The following MAP9 variants were observed in gnomAD, a reference collection of about 807,000 sequenced individuals.
The protein encoded by MAP9 is microtubule associated protein 9.
Under a neutral mutation model 75.2 loss-of-function variants are expected in MAP9, and 80 were observed. That is an observed-to-expected ratio of 1.06 (90% confidence interval 0.89 to 1.28). MAP9 has a LOEUF of 1.28. Ranked by LOEUF, MAP9 falls within the 50% of genes most tolerant of loss-of-function variation. The pLI, the probability that MAP9 is intolerant of heterozygous loss-of-function variation, is 0.00. For missense variants in MAP9, 753 were observed against 719.9 expected (o/e 1.05, Z -0.53); for synonymous variants, 235 against 237.3 (o/e 0.99, Z 0.09).
chr4:155,363,928 T>C (rs1732205092), intron 5 of MAP9, among the ~76,000 whole-genome samples: 1 of 151,714 alleles, frequency 6.6e-6, no homozygotes, highest in African/African-American at 2.4e-5. Context: ...GGATGAAAAA[T>C]AGGGTGGGAA....
chr4:155,369,291 T>A (rs1258589423), intron 4 of MAP9, among the ~76,000 whole-genome samples: 1 of 145,130 alleles, frequency 6.9e-6, no homozygotes, highest in Non-Finnish European at 1.5e-5. Flanking sequence ...ATCACACCAC[T>A]GCACTCCAGC....
chr4:155,355,715 C>A lies in MAP9; in HGVS notation c.1290+1G>T, dbSNP rs1194672864. On this transcript the variant is annotated splice_donor_variant, in intron 9 of 13. Coordinates refer to ENST00000311277, the MANE Select transcript of MAP9 (RefSeq NM_001039580.2). LOFTEE classifies it high-confidence loss of function. ...CTCTTAAAAATATTTTCCTTTTTTA[C>A]CTGATAAACAGCTGCCCTTATGTTA... The A allele has an allele frequency of 2.5e-6, 4 of 1,599,638 alleles. No individual in the cohort carries two copies. In the East Asian group the frequency reaches 6.7e-5, roughly 27 times the overall value.
rs1465793269 is a variant in MAP9, at chr4:155,346,777, C to T, written c.*1006G>A. Reference sequence around the variant, plus strand: ...TGCATTTCAGCTCCGTGAGCATACACTTGGTCTGTCTTAAACCAGATGACC... The same window carrying T: ...TGCATTTCAGCTCCGTGAGCATACATTTGGTCTGTCTTAAACCAGATGACC... On this transcript the variant is annotated 3_prime_UTR_variant, in exon 14 of 14. Coordinates refer to ENST00000311277, the MANE Select transcript of MAP9 (RefSeq NM_001039580.2). 2.0e-5 allele frequency: 3 copies of T among 152,610 alleles called. No individual in the cohort carries two copies. Among genetic ancestry groups the T allele is most frequent in the African/African-American group, 7.2e-5 (3 of 41,454 alleles). 9.5% of individuals were successfully genotyped at this position (152,610 alleles called of 1,614,324 possible).
Position 155,360,295 on chromosome 4 carries a change from G to A in MAP9, c.923C>T (p.Thr308Ile), listed in dbSNP as rs1267294468. Reference sequence around the variant, plus strand: ...CTTTTCTTCTTCAAGGTCATCAGCAGTCACTTGACTTTCCTTGGATTTCTC... The same window carrying A: ...CTTTTCTTCTTCAAGGTCATCAGCAATCACTTGACTTTCCTTGGATTTCTC... Reference protein sequence around the residue: ...AVEKSKESQVTADDLEEEKAK... With the variant: ...AVEKSKESQVIADDLEEEKAK... The change falls in exon 7 of 14, where the codon ACT becomes ATT. Residue 308 changes from threonine to isoleucine, a missense_variant. Coordinates refer to ENST00000311277, the MANE Select transcript of MAP9 (RefSeq NM_001039580.2). 6.2e-7 allele frequency: 1 copy of A among 1,613,080 alleles called. No homozygotes were observed. The highest frequency in any genetic ancestry group is 1.7e-5 in the Admixed American group (1 of 59,926).
At chr4:155,354,377 G>C (rs930137670) in intron 10 of MAP9, 1 of 152,068 alleles carries the variant, frequency 6.6e-6, no homozygotes, top group African/African-American at 2.4e-5. Flanking sequence ...AGTTCAGGTA[G>C]GGGTTGGACT....
intron 4 of MAP9, among the ~76,000 whole-genome samples, chr4:155,369,350 C>T (rs952396371): frequency 1.5e-5 from 2 of 132,048 alleles, no homozygotes; most frequent in Non-Finnish European, 3.3e-5. Flanking sequence ...AAAAACCAAA[C>T]AACAACAACA....
intron 5 of MAP9, chr4:155,368,256 A>G: frequency 2.0e-6 from 1 of 490,660 alleles, no homozygotes; most frequent in South Asian, 3.8e-5. Context: ...AAACACTATT[A>G]TATAGATTCA....
rs372029987 is a variant in MAP9, at chr4:155,352,544, GAC to G, written c.1821+50_1821+51del. 5.6e-5 allele frequency: 85 copies of G among 1,521,962 alleles called. 1 individual carries two copies. Among genetic ancestry groups the G allele is most frequent in the East Asian group, 4.8e-4 (20 of 41,810 alleles). The allele number at this position is 1,521,962 out of a possible 1,614,324, so 94.3% of individuals were successfully genotyped here. A position where few individuals can be genotyped will look rare whatever the true frequency, so the allele number is the denominator to read the frequency against. On this transcript the variant is annotated intron_variant, in intron 13 of 13. Transcript: ENST00000311277. ...TAGAATTAGAATTAGGGACAGAAAAGACACAAAAGGTACATGAAAAAGACGAA... is the reference window on the plus strand; with the variant it reads ...TAGAATTAGAATTAGGGACAGAAAAGACAAAAGGTACATGAAAAAGACGAA...
At chr4:155,367,191 A>T (rs1732368821) in intron 5 of MAP9, 1 of 152,216 alleles carries the variant, frequency 6.6e-6, no homozygotes, top group African/African-American at 2.4e-5. Context: ...AGATAAGATG[A>T]GGACACACTC....
intron 3 of MAP9, among the ~76,000 whole-genome samples, chr4:155,373,712 AAAC>A (rs1435085706): frequency 1.2e-4 from 18 of 152,226 alleles, no homozygotes; most frequent in Non-Finnish European, 2.5e-4. Flanking sequence ...GTAGGGTACC[AAAC>A]AACCAAACAC....
chr4:155,368,469 A>C (rs1732427105), intron 5 of MAP9, 117 bp downstream of exon 5: 1 of 809,034 alleles, frequency 1.2e-6, no homozygotes, highest in African/African-American at 1.7e-5. Flanking sequence ...TTGCAGAAGA[A>C]AGTATGTAAA....
chr4:155,362,423 A>C, intron 5 of MAP9: 1 of 261,276 alleles, frequency 3.8e-6, no homozygotes. Context: ...AATTTTCAAA[A>C]CTCCTATTAC....
chr4:155,376,000 G>T (rs1210747294), intron 1 of MAP9, 86 bp from the exon 2 acceptor site: 2 of 548,072 alleles, frequency 3.6e-6, no homozygotes, highest in Non-Finnish European at 3.2e-6. Flanking sequence ...AAAGGTCAAA[G>T]AAAAGCATCT....
At chr4:155,360,776 C>T (rs1188152704) in intron 6 of MAP9, among the ~76,000 whole-genome samples, 1 of 151,956 alleles carries the variant, frequency 6.6e-6, no homozygotes, top group Non-Finnish European at 1.5e-5. Flanking sequence ...AGTTTCTTAG[C>T]TGGAACAACA....
At chr4:155,370,387 A>G (rs2111276980) in intron 4 of MAP9, among the ~76,000 whole-genome samples, 1 of 152,278 alleles carries the variant, frequency 6.6e-6, no homozygotes, top group African/African-American at 2.4e-5. Flanking sequence ...AAACAACATA[A>G]AACGGATTTT....
At chr4:155,366,145 T>C (rs1315167686) in intron 5 of MAP9, among the ~76,000 whole-genome samples, 1 of 151,988 alleles carries the variant, frequency 6.6e-6, no homozygotes, top group Admixed American at 6.6e-5. Context: ...TGGATCACGA[T>C]GTCAGGAGAT....
rs1731590205 is a variant in MAP9 at position 155,353,030 on chromosome 4, T to C, written c.1570A>G (p.Met524Val). 1 of 1,538,830 alleles carries C rather than the reference T, an allele frequency of 6.5e-7. No homozygotes were observed. The highest frequency in any genetic ancestry group is 8.8e-7 in the Non-Finnish European group (1 of 1,138,576). ...QAFEKWKEKK[M>V]EYLKEKNRKE... The stretch of plus-strand genomic sequence containing the variant: ...CTATTTTTCTCTTTAAGATATTCCA[T>C]CTTTTTCTCTTTCCATTTTTCAAAA... The change falls in exon 12 of 14, where the codon ATG becomes GTG. Residue 524 changes from methionine (M) to valine (V), a missense_variant. Met to Val is a conservative substitution (Grantham distance 21, BLOSUM62 1). Transcript: ENST00000311277.
At chr4:155,375,665 G>GT in intron 2 of MAP9, 111 bp downstream of exon 2, 1 of 577,026 alleles carries the variant, frequency 1.7e-6, no homozygotes, top group Non-Finnish European at 2.9e-6. Flanking sequence ...AACCTCAAAA[G>GT]TAATATAAGA....
intron 5 of MAP9, among the ~76,000 whole-genome samples, chr4:155,364,805 C>T (rs566203816): frequency 1.3e-5 from 2 of 151,160 alleles, no homozygotes; most frequent in Admixed American, 1.3e-4. Flanking sequence ...AATATCAATT[C>T]TAAATAGATT....
Sources: allele counts gnomAD v4.1 joint callset (sites outside exome capture counted in the v4.1 genomes callset), GRCh38; gene constraint gnomAD v4.1.1; transcripts MANE v1.5; gene names NCBI Gene and HGNC (gene_info 2026-07-23, HGNC 2026-07-21).